The following HTT variants were observed in gnomAD, a reference collection of about 807,000 sequenced individuals.
HTT encodes huntingtin, also known as huntington disease protein.
In HTT, 104 loss-of-function variants were observed where a neutral mutation model predicts 362.3. The ratio of observed to expected loss-of-function variants is 0.29; its 90% CI spans 0.24 to 0.34. The LOEUF is 0.34. Among genes scored for constraint, HTT ranks in the 10% least tolerant of loss-of-function variants. The pLI is 1.00. For missense variants in HTT, 3,301 were observed against 3,928.6 expected, an observed-to-expected ratio of 0.84 and a Z score of 4.27; for synonymous variants, 1,577 against 1,548.7, an observed-to-expected ratio of 1.02 and a Z score of -0.43.
intron 52 of HTT, 32 bp downstream of exon 52, chr4:3,217,984 G>A (rs1385315651): frequency 6.4e-7 from 1 of 1,568,998 alleles, no homozygotes; most frequent in African/African-American, 1.3e-5. Flanking sequence ...AGAAGACCAA[G>A]TACGGTGAAA....
At position 3,154,288 on chromosome 4, in the gene HTT, T is replaced by G. The variant is rs1427745542; in HGVS notation, c.3499-5T>G. On this transcript the variant is annotated splice_polypyrimidine_tract_variant and splice_region_variant and intron_variant, in intron 26 of 66. Coordinates refer to ENST00000355072, the MANE Select transcript of HTT (RefSeq NM_001388492.1). ...TTGTTTTTTGTTTTTGTTTTTCTAT[T>G]TTAGGCAGCCTTGCCTTCTCTAACA... 1.3e-6 allele frequency: 2 copies of G among 1,556,722 alleles called. No homozygotes were observed. Among genetic ancestry groups the G allele is most frequent in the Non-Finnish European group, 1.7e-6 (2 of 1,154,660 alleles).
chr4:3,207,252 A>T, intron 44 of HTT, 29 bp from the exon 45 acceptor site: 1 of 1,601,458 alleles, frequency 6.2e-7, no homozygotes. Context: ...TAGGTGTTAC[A>T]AACACACTAA....
chr4:3,238,730 G>GGGCCCCCCC, intron 65 of HTT, 88 bp from the exon 66 acceptor site: 100 of 1,096,932 alleles, frequency 9.1e-5, no homozygotes, highest in Middle Eastern at 2.9e-4. Context: ...AATGCCTCTG[G>GGGCCCCCCC]CCCCCACCCC....
At chr4:3,168,922 T>A (rs1175530950) in intron 29 of HTT, among the ~76,000 whole-genome samples, 1 of 152,132 alleles carries the variant, frequency 6.6e-6, no homozygotes, top group Non-Finnish European at 1.5e-5. Context: ...TTTTTTTATA[T>A]CTTGTGTTTC....
At chr4:3,229,103 C>A in intron 59 of HTT, 94 bp downstream of exon 59, 1 of 1,258,028 alleles carries the variant, frequency 7.9e-7, no homozygotes, top group Non-Finnish European at 1.1e-6. Context: ...CACACACATG[C>A]CACTTGCACA....
chr4:3,131,033 G>A (rs560467037), intron 14 of HTT, among the ~76,000 whole-genome samples: 38 of 151,678 alleles, frequency 2.5e-4, no homozygotes, highest in Non-Finnish European at 5.4e-4. Context: ...TTCTTACCAC[G>A]CCCACCCTCC....
chr4:3,157,276 G>A (rs927896006), intron 28 of HTT, 77 bp downstream of exon 28: 56 of 1,345,720 alleles, frequency 4.2e-5, no homozygotes, highest in Non-Finnish European at 5.7e-5. Context: ...TTTTTCTTAT[G>A]ATTTGTAGGA....
intron 28 of HTT, among the ~76,000 whole-genome samples, chr4:3,159,170 C>T (rs1343619935): frequency 6.6e-6 from 1 of 152,164 alleles, no homozygotes; most frequent in African/African-American, 2.4e-5. Flanking sequence ...TTCCTGCACT[C>T]CTCTGATTCC....
At chr4:3,182,006 T>C (rs532157055) in intron 36 of HTT, among the ~76,000 whole-genome samples, 15 of 152,370 alleles carry the variant, frequency 9.8e-5, no homozygotes, top group Non-Finnish European at 1.8e-4. Flanking sequence ...GTCAAGGCTG[T>C]GTTTGAAGTT....
chr4:3,229,077 A>C (rs2530598), intron 59 of HTT, 68 bp downstream of exon 59: 857,271 of 1,430,222 alleles, frequency 0.6, 254,217 homozygotes, highest in South Asian at 0.71. Context: ...CACACACCCC[A>C]CACACACACA....
intron 10 of HTT, chr4:3,123,198 G>A (rs1190970466): frequency 4.7e-5 from 16 of 341,234 alleles, no homozygotes; most frequent in African/African-American, 2.8e-4. Flanking sequence ...TCTAATGTTC[G>A]GGGTCAGCAG....
At chr4:3,182,602 C>T (rs921772579) in intron 37 of HTT, 132 bp downstream of exon 37, 7 of 674,742 alleles carry the variant, frequency 1.0e-5, no homozygotes, top group Middle Eastern at 4.2e-4. Context: ...CCGTGCTAGT[C>T]ATGGGACAGC....
At chr4:3,233,676 A>G (rs1721372137) in intron 61 of HTT, among the ~76,000 whole-genome samples, 1 of 152,132 alleles carries the variant, frequency 6.6e-6, no homozygotes, top group East Asian at 1.9e-4. Flanking sequence ...GAACCCTGTT[A>G]TTACCCAGGC....
At chr4:3,167,029 C>A (rs1406683445) in intron 29 of HTT, among the ~76,000 whole-genome samples, 1 of 151,452 alleles carries the variant, frequency 6.6e-6, no homozygotes, top group Non-Finnish European at 1.5e-5. Flanking sequence ...GTCGATCTCA[C>A]TGGGAGCTGT....
At chr4:3,136,929 A>AT (rs57989407) in intron 21 of HTT, among the ~76,000 whole-genome samples, 46 of 138,902 alleles carry the variant, frequency 3.3e-4, no homozygotes, top group Admixed American at 7.8e-4. Context: ...TTTTTTTTTT[A>AT]TTTTTTTTTT....
At chr4:3,081,856 C>T (rs1712928302) in intron 1 of HTT, among the ~76,000 whole-genome samples, 1 of 151,618 alleles carries the variant, frequency 6.6e-6, no homozygotes, top group South Asian at 2.1e-4. Context: ...CCACACCCTG[C>T]TGGAAAGCAT....
intron 4 of HTT, 133 bp downstream of exon 4, chr4:3,104,016 A>G (rs1714290308): frequency 3.4e-6 from 2 of 587,246 alleles, no homozygotes; most frequent in Non-Finnish European, 3.0e-6. Context: ...TACAATACAT[A>G]ATAATCACAC....
chr4:3,099,520 G>A (rs1714037271), intron 3 of HTT, 126 bp downstream of exon 3: 3 of 1,325,694 alleles, frequency 2.3e-6, no homozygotes, highest in East Asian at 2.5e-5. Flanking sequence ...CCTTTCTGAT[G>A]TATGGTTTGG....
At chr4:3,095,528 C>G (rs543759032) in intron 2 of HTT, among the ~76,000 whole-genome samples, 4 of 152,106 alleles carry the variant, frequency 2.6e-5, no homozygotes, top group African/African-American at 9.7e-5. Flanking sequence ...AGGGCGAGGG[C>G]GAGGGCGAGG....
Sources: gnomAD v4.1 joint callset for allele counts (sites outside exome capture counted in the v4.1 genomes callset) on GRCh38, gnomAD v4.1.1 for gene constraint, MANE v1.5 for transcripts, NCBI Gene and HGNC (gene_info 2026-07-23, HGNC 2026-07-21) for gene names.